PIK3R3: variants seen among roughly 807,000 people sequenced by gnomAD.
PIK3R3 encodes the protein phosphoinositide-3-kinase regulatory subunit 3, also known as phosphatidylinositol 3-kinase regulatory subunit gamma.
Under a neutral mutation model 62.9 loss-of-function variants are expected in PIK3R3, and 64 were observed. The observed-to-expected ratio is 1.02, with a 90% confidence interval of 0.83 to 1.25. The LOEUF (loss-of-function observed/expected upper bound fraction) is 1.25. Ranked by LOEUF, PIK3R3 falls within the 50% of genes most tolerant of loss-of-function variation. The pLI is 0.00. For synonymous variants in PIK3R3, 165 were observed against 189.0 expected, an observed-to-expected ratio of 0.87 and a Z score of 1.04; for missense variants, 614 against 561.6, an observed-to-expected ratio of 1.09 and a Z score of -0.94.
intron 1 of PIK3R3, among the ~76,000 whole-genome samples, chr1:46,130,043 T>C (rs1655441077): frequency 6.6e-6 from 1 of 152,178 alleles, no homozygotes; most frequent in Admixed American, 6.5e-5. Context: ...TTTCTTAAAA[T>C]TATTTTTGGA....
At chr1:46,157,385 G>A in the PIK3R3 span, among the ~76,000 whole-genome samples, 1 of 152,024 alleles carries the variant, frequency 6.6e-6, no homozygotes, top group Non-Finnish European at 1.5e-5. Context: ...TGCCCACCTC[G>A]GCCTCCCAAG....
intron 1 of PIK3R3, among the ~76,000 whole-genome samples, chr1:46,086,830 GA>G (rs1651102927): frequency 6.6e-6 from 1 of 152,136 alleles, no homozygotes; most frequent in African/African-American, 2.4e-5. Flanking sequence ...TCTATAGAAA[GA>G]GCAGTTAAGT....
chr1:46,149,087 C>T, the PIK3R3 span, among the ~76,000 whole-genome samples: 686 of 152,240 alleles, frequency 4.5e-3, 3 homozygotes, highest in Admixed American at 6.7e-3. Flanking sequence ...TCTGGTCCCT[C>T]ACTGCTCATT....
At chr1:46,061,515 A>G (rs569341985) in intron 6 of PIK3R3, among the ~76,000 whole-genome samples, 1 of 152,318 alleles carries the variant, frequency 6.6e-6, no homozygotes, top group Admixed American at 6.5e-5. Flanking sequence ...ACTCCCATAC[A>G]TAAGTAGGTA....
At chr1:46,132,664 C>A, upstream of PIK3R3, 2 of 1,289,718 alleles carry the variant, frequency 1.6e-6, no homozygotes. Flanking sequence ...TTTAACGGCG[C>A]GGAGGGGACA....
intron 2 of PIK3R3, 116 bp downstream of exon 2, chr1:46,080,526 G>T (rs1281505418): frequency 2.8e-6 from 2 of 712,036 alleles, no homozygotes; most frequent in Non-Finnish European, 5.0e-6. Context: ...CTCCTGAGTT[G>T]CTGGGATTAT....
chr1:46,102,686 T>C (rs922900748), intron 1 of PIK3R3, among the ~76,000 whole-genome samples: 8 of 151,758 alleles, frequency 5.3e-5, no homozygotes, highest in East Asian at 1.9e-4. Flanking sequence ...CCTTGAGCAC[T>C]GTTGGTGAGA....
chr1:46,171,601 T>C, the PIK3R3 span, among the ~76,000 whole-genome samples: 1 of 151,988 alleles, frequency 6.6e-6, no homozygotes, highest in Admixed American at 6.6e-5. Context: ...ATTGACCTAT[T>C]AGTGACAAGC....
intron 7 of PIK3R3, chr1:46,046,918 C>T: frequency 2.1e-6 from 1 of 467,218 alleles, no homozygotes; most frequent in Non-Finnish European, 3.8e-6. Context: ...CACACACATA[C>T]TCGCACTCAC....
chr1:46,118,014 G>T (rs118093486), intron 1 of PIK3R3, among the ~76,000 whole-genome samples: 3 of 149,012 alleles, frequency 2.0e-5, no homozygotes, highest in African/African-American at 7.4e-5. Context: ...GGAGGTCAAG[G>T]CTACAGTGAG....
Position 46,071,759 on chromosome 1 carries a change from A to AGAGAGAGAGAGAGAGAGAGCGAGCGAGC in PIK3R3, c.315-4669_315-4668insGCTCGCTCGCTCTCTCTCTCTCTCTCTC, listed in dbSNP as rs777668187. Among the ~76,000 whole-genome samples, 7 of 100,124 alleles carry AGAGAGAGAGAGAGAGAGAGCGAGCGAGC rather than the reference A, an allele frequency of 7.0e-5. No individual in the cohort carries two copies. In the East Asian group the frequency reaches 7.4e-4, roughly 11 times the overall value. 65.7% of individuals were successfully genotyped at this position (100,124 alleles called of 152,430 possible). ...GAGAGAGAGAGAGAGAGAGAGAGAGAGCGCGCGCCTGATCACAATTTCCCT... is the reference window on the plus strand; with the variant it reads ...GAGAGAGAGAGAGAGAGAGAGAGAGAGAGAGAGAGAGAGAGAGAGCGAGCGAGCGCGCGCGCCTGATCACAATTTCCCT... On this transcript the variant is annotated intron_variant, in intron 3 of 9. Coordinates refer to ENST00000262741, the MANE Select transcript of PIK3R3 (RefSeq NM_003629.4).
chr1:46,146,890 C>A, the PIK3R3 span, among the ~76,000 whole-genome samples: 1 of 152,124 alleles, frequency 6.6e-6, no homozygotes, highest in Non-Finnish European at 1.5e-5. Context: ...CTAGACCTGC[C>A]TCAGAGCCTC....
chr1:46,071,464 G>C (rs943217090), intron 3 of PIK3R3, among the ~76,000 whole-genome samples: 1 of 151,462 alleles, frequency 6.6e-6, no homozygotes, highest in African/African-American at 2.4e-5. Flanking sequence ...GGGAGGCCGA[G>C]GCGGGCAGAT....
the PIK3R3 span, among the ~76,000 whole-genome samples, chr1:46,170,132 C>G: frequency 1.3e-5 from 2 of 151,978 alleles, no homozygotes; most frequent in Non-Finnish European, 2.9e-5. Flanking sequence ...ATTTTCTGTT[C>G]GGTACCTTTC....
At chr1:46,138,133 T>C in the PIK3R3 span, among the ~76,000 whole-genome samples, 3 of 152,196 alleles carry the variant, frequency 2.0e-5, no homozygotes, top group African/African-American at 7.2e-5. Flanking sequence ...CTGGTTTCAT[T>C]TTCCAGCTCA....
chr1:46,160,433 T>A, the PIK3R3 span, among the ~76,000 whole-genome samples: 1 of 152,252 alleles, frequency 6.6e-6, no homozygotes, highest in African/African-American at 2.4e-5. Flanking sequence ...ACTTTTTCAG[T>A]TGCATATAAT....
chr1:46,055,818 T>C lies in PIK3R3; in HGVS notation c.918A>G (p.Arg306=). The change falls in exon 7 of 10, where the codon CGA becomes CGG. Residue 306 remains arginine, a synonymous_variant. Transcript: ENST00000262741. ...NSIKPDLIQL[R]KIRDQHLVWL... is the part of the protein sequence containing the mutation. Reference sequence around the variant, plus strand: ...ACACAAGGTGTTGATCTCGGATCTTTCGCAGCTGGATCAGGTCAGGTTTGA... The same window carrying C: ...ACACAAGGTGTTGATCTCGGATCTTCCGCAGCTGGATCAGGTCAGGTTTGA... 1.3e-6 allele frequency: 2 copies of C among 1,523,230 alleles called. No homozygotes were observed. The highest frequency in any genetic ancestry group is 2.5e-5 in the South Asian group (2 of 80,510). 94.4% of individuals were successfully genotyped at this position (1,523,230 alleles called of 1,614,324 possible).
the PIK3R3 span, among the ~76,000 whole-genome samples, chr1:46,157,684 G>T: frequency 9.9e-5 from 15 of 152,194 alleles, no homozygotes; most frequent in Non-Finnish European, 1.9e-4. Context: ...AAAGCTTAGA[G>T]TCAGCAGGGA....
chr1:46,170,045 G>A, the PIK3R3 span, among the ~76,000 whole-genome samples: 1 of 152,128 alleles, frequency 6.6e-6, no homozygotes, highest in African/African-American at 2.4e-5. Flanking sequence ...TGGCTTCGGT[G>A]TGCATCATGT....
Sources: allele counts gnomAD v4.1 joint callset (sites outside exome capture counted in the v4.1 genomes callset), GRCh38; gene constraint gnomAD v4.1.1; transcripts MANE v1.5; gene names NCBI Gene and HGNC (gene_info 2026-07-23, HGNC 2026-07-21).